The following KCNMA1 variants were observed in gnomAD, a reference collection of about 807,000 sequenced individuals.
The protein encoded by KCNMA1 is Calcium-activated potassium channel subunit alpha-1.
Under a neutral mutation model 140.0 loss-of-function variants are expected in KCNMA1, and 29 were observed. The ratio of observed to expected loss-of-function variants is 0.21; its 90% CI spans 0.15 to 0.28. The LOEUF is 0.28. Ranked by LOEUF, KCNMA1 falls within the 10% of genes least tolerant of loss-of-function variation. KCNMA1 has a pLI of 1.00. For synonymous variants in KCNMA1, 612 were observed against 611.9 expected (o/e 1.00, Z 0.00); for missense variants, 880 against 1,602.2 (o/e 0.55, Z 7.70).
chr10:77,404,092 A>ATTTAT, intron 1 of KCNMA1, 69 bp from the exon 2 acceptor site: 1 of 1,545,678 alleles, frequency 6.5e-7, no homozygotes, highest in South Asian at 1.1e-5. Context: ...TCTACCCATA[A>ATTTAT]AGAACCAGAG....
chr10:77,248,803 AT>A (rs2059130433), intron 3 of KCNMA1, among the ~76,000 whole-genome samples: 1 of 151,864 alleles, frequency 6.6e-6, no homozygotes, highest in Non-Finnish European at 1.5e-5. Context: ...TGGACTTACC[AT>A]AGAGATGGCT....
At chr10:76,929,088 A>G (rs905177378) in intron 23 of KCNMA1, among the ~76,000 whole-genome samples, 3 of 152,194 alleles carry the variant, frequency 2.0e-5, no homozygotes, top group East Asian at 1.9e-4. Context: ...AATATCTTAA[A>G]TGCAAATAAA....
intron 5 of KCNMA1, among the ~76,000 whole-genome samples, chr10:77,132,405 A>G (rs1202908551): frequency 6.6e-6 from 1 of 152,182 alleles, no homozygotes; most frequent in Non-Finnish European, 1.5e-5. Context: ...TGCCAGAAGG[A>G]AAAAATGAAG....
chr10:77,011,601 C>T (rs531343410), intron 18 of KCNMA1, among the ~76,000 whole-genome samples: 2 of 152,288 alleles, frequency 1.3e-5, no homozygotes, highest in South Asian at 4.1e-4. Flanking sequence ...TCAGGGACCC[C>T]CAATCCACTG....
chr10:77,109,962 G>C (rs137860409), intron 8 of KCNMA1, among the ~76,000 whole-genome samples: 1 of 152,136 alleles, frequency 6.6e-6, no homozygotes, highest in East Asian at 1.9e-4. Context: ...CCCCGACAAG[G>C]GCAATGTGCC....
chr10:77,232,740 A>G (rs1223221838), intron 3 of KCNMA1, among the ~76,000 whole-genome samples: 1 of 152,196 alleles, frequency 6.6e-6, no homozygotes, highest in African/African-American at 2.4e-5. Flanking sequence ...GCTAAATCCA[A>G]TGTCACAAAG....
intron 3 of KCNMA1, among the ~76,000 whole-genome samples, chr10:77,201,772 G>C (rs2042562954): frequency 6.6e-6 from 1 of 151,746 alleles, no homozygotes; most frequent in African/African-American, 2.4e-5. Flanking sequence ...ATACTGACTG[G>C]AGAGGTAATA....
At chr10:77,221,455 A>T (rs557483688) in intron 3 of KCNMA1, among the ~76,000 whole-genome samples, 1 of 152,164 alleles carries the variant, frequency 6.6e-6, no homozygotes, top group South Asian at 2.1e-4. Context: ...AATGAATAAG[A>T]CCTACTATTT....
chr10:77,161,437 G>A (rs1051075594), intron 5 of KCNMA1, among the ~76,000 whole-genome samples: 14 of 152,070 alleles, frequency 9.2e-5, no homozygotes, highest in Non-Finnish European at 1.8e-4. Flanking sequence ...TAGGGATGGG[G>A]TCTCACTATG....
chr10:77,022,908 A>G (rs2093019486), intron 16 of KCNMA1: 1 of 454,784 alleles, frequency 2.2e-6, no homozygotes, highest in Admixed American at 2.4e-5. Flanking sequence ...ATGAATATGT[A>G]AATATCCCAA....
intron 6 of KCNMA1, among the ~76,000 whole-genome samples, chr10:77,119,217 T>C (rs1486652118): frequency 6.6e-6 from 1 of 152,096 alleles, no homozygotes; most frequent in East Asian, 1.9e-4. Context: ...GAAAGAGAGG[T>C]GAGTGTCCTA....
At chr10:77,184,750 C>G (rs957680340) in intron 4 of KCNMA1, 73 bp downstream of exon 4, 3 of 938,852 alleles carry the variant, frequency 3.2e-6, no homozygotes, top group African/African-American at 1.6e-5. Flanking sequence ...AGAGCAGAGG[C>G]TGAGGGGGAT....
At chr10:76,981,577 G>A (rs2153229841) in intron 19 of KCNMA1, among the ~76,000 whole-genome samples, 2 of 152,262 alleles carry the variant, frequency 1.3e-5, no homozygotes, top group Admixed American at 6.5e-5. Context: ...AGAAGAAGGG[G>A]CAGAGGCATG....
intron 1 of KCNMA1, among the ~76,000 whole-genome samples, chr10:77,600,068 G>A (rs1171184566): frequency 6.6e-6 from 1 of 152,170 alleles, no homozygotes; most frequent in Non-Finnish European, 1.5e-5. Flanking sequence ...CAGGCTGATC[G>A]CATCATTTTT....
At chr10:77,442,863 A>C (rs12258392) in intron 1 of KCNMA1, among the ~76,000 whole-genome samples, 2,111 of 152,246 alleles carry the variant, frequency 0.014, 39 homozygotes, top group African/African-American at 0.041. Flanking sequence ...GCTCCTGACC[A>C]TCCAGTGTGA....
At chr10:77,514,099 G>A (rs1343902255) in intron 1 of KCNMA1, among the ~76,000 whole-genome samples, 1 of 152,222 alleles carries the variant, frequency 6.6e-6, no homozygotes, top group Non-Finnish European at 1.5e-5. Flanking sequence ...CTGGGTCTGG[G>A]GCCTCCCCGC....
Position 77,404,006 on chromosome 10 carries a change from G to T in KCNMA1, c.396C>A (p.Asn132Lys), listed in dbSNP as rs202058158. The T allele has an allele frequency of 5.6e-6, 9 of 1,614,138 alleles. No individual in the cohort carries two copies. Among genetic ancestry groups the T allele is most frequent in the Non-Finnish European group, 7.6e-6 (9 of 1,180,040 alleles). The change falls in exon 2 of 28, where the codon AAC (asparagine) becomes AAA (lysine). Residue 132 changes from asparagine to lysine, a missense_variant. This residue lies in a region of KCNMA1 where 54 missense variants were observed against 56.4 expected (regional missense o/e 0.96). Transcript: ENST00000286628. ...GGKTKEAQKI[N>K]NGSSQADGTL... is the part of the protein sequence containing the mutation. The stretch of plus-strand genomic sequence containing the variant: ...TGCCATCCGCCTGGCTTGAGCCATT[G>T]TTAATCTTCTGGGCCTCCTGGCAAC...
chr10:76,955,197 C>CTT (rs60670000), intron 20 of KCNMA1, among the ~76,000 whole-genome samples: 36 of 141,174 alleles, frequency 2.6e-4, no homozygotes, highest in Admixed American at 8.5e-4. Flanking sequence ...TTTCTTTTTT[C>CTT]TTTTTTTTTT....
At chr10:77,412,211 G>C (rs899182917) in intron 1 of KCNMA1, among the ~76,000 whole-genome samples, 10 of 152,310 alleles carry the variant, frequency 6.6e-5, no homozygotes, top group African/African-American at 1.2e-4. Context: ...ACCCCCAGAG[G>C]GCTGTGAGAG....
Sources: allele counts gnomAD v4.1 joint callset (sites outside exome capture counted in the v4.1 genomes callset), GRCh38; gene constraint gnomAD v4.1.1; regional missense constraint gnomAD v4.1.1; transcripts MANE v1.5; gene names NCBI Gene and HGNC (gene_info 2026-07-23, HGNC 2026-07-21).